TTLL4: variants seen among roughly 807,000 people sequenced by gnomAD.
TTLL4 encodes tubulin monoglutamylase TTLL4.
TTLL4 carries 85 observed loss-of-function variants against 122.7 expected under a neutral mutation model. The ratio of observed to expected loss-of-function variants is 0.69; its 90% CI spans 0.58 to 0.83. The LOEUF (loss-of-function observed/expected upper bound fraction) is 0.83, where lower values mean the gene tolerates loss of function less well. Ranked by LOEUF, TTLL4 falls within the 40% of genes least tolerant of loss-of-function variation. TTLL4 has a pLI of 0.00. For missense variants in TTLL4, 1,363 were observed against 1,488.6 expected (o/e 0.92, Z 1.39); for synonymous variants, 553 against 563.0 (o/e 0.98, Z 0.25).
At chr2:218,734,210 T>C (rs1942454913) in intron 2 of TTLL4, among the ~76,000 whole-genome samples, 1 of 152,192 alleles carries the variant, frequency 6.6e-6, no homozygotes, top group Non-Finnish European at 1.5e-5. Flanking sequence ...GTAAACTGAA[T>C]GTAAGGTTTT....
chr2:218,745,648 T>G, intron 6 of TTLL4, 43 bp from the exon 7 acceptor site: 1 of 1,317,810 alleles, frequency 7.6e-7, no homozygotes, highest in Non-Finnish European at 1.1e-6. Context: ...GACTCTCTGC[T>G]CCTCTCCATC....
At chr2:218,716,109 G>A (rs570743561) in intron 1 of TTLL4, among the ~76,000 whole-genome samples, 1 of 152,294 alleles carries the variant, frequency 6.6e-6, no homozygotes, top group East Asian at 1.9e-4. Flanking sequence ...CAGAGAAGTA[G>A]TTAAATATTG....
At chr2:218,717,633 T>C (rs1344084226) in intron 1 of TTLL4, among the ~76,000 whole-genome samples, 1 of 152,182 alleles carries the variant, frequency 6.6e-6, no homozygotes, top group Non-Finnish European at 1.5e-5. Flanking sequence ...CCCTTCTCAC[T>C]AGGCTGTATT....
downstream of TTLL4, among the ~76,000 whole-genome samples, chr2:218,755,790 T>TA (rs748330094): frequency 8.5e-5 from 13 of 152,178 alleles, no homozygotes; most frequent in Non-Finnish European, 1.6e-4. Context: ...TTTGGAAAGA[T>TA]AGAGACTTCT....
At position 218,754,699 on chromosome 2, in the gene TTLL4, C is replaced by A. The variant is rs1036730995; in HGVS notation, c.*310C>A. On this transcript the variant is annotated 3_prime_UTR_variant, in exon 20 of 20. Coordinates refer to ENST00000392102, the MANE Select transcript of TTLL4 (RefSeq NM_014640.5). ...GGTTTTGGTTTCTACCTTAAGTGAG[C>A]CATGTGTGGTTTGTCTGGGGGCCCT... 2 of 402,384 alleles carry A rather than the reference C, an allele frequency of 5.0e-6. No homozygotes were observed. Among genetic ancestry groups the A allele is most frequent in the Non-Finnish European group, 9.0e-6 (2 of 221,624 alleles). 24.9% of individuals were successfully genotyped at this position (402,384 alleles called of 1,614,324 possible).
intron 2 of TTLL4, among the ~76,000 whole-genome samples, chr2:218,728,629 G>GGAGGTCCCAAATGGTA (rs1267447404): frequency 1.3e-5 from 2 of 152,210 alleles, no homozygotes; most frequent in Admixed American, 6.5e-5. Context: ...CGCAAATGGA[G>GGAGGTCCCAAATGGTA]GAGGTCCCAA....
At position 218,747,257 on chromosome 2, in the gene TTLL4, C is replaced by A. The variant is rs769391839; in HGVS notation, c.2167-33C>A. On this transcript the variant is annotated intron_variant, in intron 9 of 19. Transcript: ENST00000392102. The surrounding 1 kb of genome is among the most constrained non-coding windows in gnomAD (Gnocchi z 4.7). The stretch of plus-strand genomic sequence containing the variant: ...GAGTGGGAACAACAGAGTATTGGAC[C>A]TGGAGCAAATCTCATCTCCTTTCTG... 1.9e-6 allele frequency: 3 copies of A among 1,613,958 alleles called. No individual in the cohort carries two copies. Among genetic ancestry groups the A allele is most frequent in the East Asian group, 4.5e-5 (2 of 44,878 alleles).
chr2:218,735,165 T>C (rs991957427), intron 2 of TTLL4, among the ~76,000 whole-genome samples: 4 of 152,192 alleles, frequency 2.6e-5, no homozygotes, highest in African/African-American at 9.7e-5. Flanking sequence ...CATTCGTGGC[T>C]GTAGACAGGA....
At chr2:218,753,262 G>A in intron 18 of TTLL4, 77 bp downstream of exon 18, 1 of 1,526,234 alleles carries the variant, frequency 6.6e-7, no homozygotes, top group South Asian at 1.1e-5. Flanking sequence ...GCAGGAGTTG[G>A]GTTGGTATGT....
chr2:218,748,048 C>T, intron 11 of TTLL4, 57 bp from the exon 12 acceptor site: 3 of 1,608,762 alleles, frequency 1.9e-6, no homozygotes, highest in African/African-American at 2.7e-5. Context: ...ATGTTTGGCC[C>T]CTTCTCCATC....
At chr2:218,721,626 A>G (rs908703609) in intron 1 of TTLL4, among the ~76,000 whole-genome samples, 2 of 152,310 alleles carry the variant, frequency 1.3e-5, no homozygotes, top group Admixed American at 6.5e-5. Flanking sequence ...AAGAGTGACT[A>G]TGTAAGGGAG....
chr2:218,747,063 T>G lies in TTLL4; in HGVS notation c.2035T>G (p.Ser679Ala). 6.2e-7 allele frequency: 1 copy of G among 1,614,244 alleles called. No homozygotes were observed. The change falls in exon 9 of 20, where the codon TCA becomes GCA. Residue 679 changes from serine to alanine, a missense_variant. By Grantham distance (99) the Ser-to-Ala change is moderately conservative (BLOSUM62 1). This residue lies in a region of TTLL4 where 596 missense variants were observed against 655.8 expected (regional missense o/e 0.91). Coordinates refer to ENST00000392102, the MANE Select transcript of TTLL4 (RefSeq NM_014640.5). This position sits in a 1 kb window ranked among gnomAD's most constrained non-coding sequence, Gnocchi z 4.7. ...GAAGGACCGGCTATGGCGGAACCTG[T>G]CACGTATGCAGAGCCGCTTTGGCAA... is the stretch of plus-strand genomic sequence containing the variant. ...GRKDRLWRNLSRMQSRFGKKE... is the reference protein window; with the variant it reads ...GRKDRLWRNLARMQSRFGKKE...
intron 5 of TTLL4, among the ~76,000 whole-genome samples, chr2:218,740,948 C>T (rs1307585017): frequency 3.9e-5 from 6 of 152,190 alleles, no homozygotes; most frequent in Admixed American, 2.6e-4. Context: ...TGGTGCACAC[C>T]TGTAATCCCA....
intron 2 of TTLL4, among the ~76,000 whole-genome samples, chr2:218,730,470 T>C (rs988551863): frequency 1.3e-5 from 2 of 151,928 alleles, no homozygotes; most frequent in African/African-American, 4.8e-5. Context: ...ATCATGCCAC[T>C]GCACTCCAGC....
In TTLL4 at chr2:218,745,770, C is replaced by T. The variant is rs2106449115; in HGVS notation, c.1866C>T (p.Thr622=). Residue 622 remains threonine (T), a synonymous_variant, in exon 7 of 20, where the codon ACC becomes ACT. Transcript: ENST00000392102. ...STVTPNIVKQ[T]IGRSHFKISK... is the part of the protein sequence containing the mutation. ...TGACCCCCAACATTGTCAAGCAGAC[C>T]ATTGGACGGTCCCACTTCAAAATCA... The T allele has an allele frequency of 6.2e-7, 1 of 1,613,624 alleles. No individual in the cohort carries two copies. Among genetic ancestry groups the T allele is most frequent in the Admixed American group, 1.7e-5 (1 of 59,940 alleles).
intron 5 of TTLL4, among the ~76,000 whole-genome samples, chr2:218,743,639 AGTGGCT>A (rs1942762145): frequency 1.3e-5 from 2 of 151,980 alleles, no homozygotes; most frequent in Non-Finnish European, 2.9e-5. Context: ...TGTTTTCCAG[AGTGGCT>A]GTACCATTTT....
At position 218,747,970 on chromosome 2, in the gene TTLL4, C is replaced by G; in HGVS notation, c.2379-135C>G. ...TTTCAGAACTTTGCCAGTAGACACACTTCTCAGGCTCTTGTGGCTATGAAA... is the reference window on the plus strand; with the variant it reads ...TTTCAGAACTTTGCCAGTAGACACAGTTCTCAGGCTCTTGTGGCTATGAAA... On this transcript the variant is annotated intron_variant, in intron 11 of 19. Transcript: ENST00000392102. The surrounding 1 kb of genome is among the most constrained non-coding windows in gnomAD (Gnocchi z 4.7). The G allele has an allele frequency of 7.7e-7, 1 of 1,295,034 alleles. No individual in the cohort carries two copies. Among genetic ancestry groups the G allele is most frequent in the Admixed American group, 2.1e-5 (1 of 48,750 alleles). The allele number at this position is 1,295,034 out of a possible 1,614,324, so 80.2% of individuals were successfully genotyped here. A position where few individuals can be genotyped will look rare whatever the true frequency, so the allele number is the denominator to read the frequency against.
intron 14 of TTLL4, 51 bp downstream of exon 14, chr2:218,749,438 C>A (rs547134804): frequency 6.3e-7 from 1 of 1,599,922 alleles, no homozygotes; most frequent in Non-Finnish European, 8.5e-7. Context: ...ATTATTCTCA[C>A]GCTCCCATTG....
intron 12 of TTLL4, 156 bp from the exon 13 acceptor site, chr2:218,748,677 AATT>A: frequency 5.5e-6 from 3 of 542,494 alleles, no homozygotes; most frequent in Non-Finnish European, 9.6e-6. Flanking sequence ...AAAAAAAAAG[AATT>A]GGTCTATTTG....
Sources: gnomAD v4.1 joint callset for allele counts (sites outside exome capture counted in the v4.1 genomes callset) on GRCh38, gnomAD v4.1.1 for gene constraint, gnomAD v4.1.1 regional missense constraint, Gnocchi (gnomAD v3.1) non-coding constraint, MANE v1.5 for transcripts, NCBI Gene and HGNC (gene_info 2026-07-23, HGNC 2026-07-21) for gene names.